GRIP1: variants seen among roughly 807,000 people sequenced by gnomAD.
The protein encoded by GRIP1 is glutamate receptor interacting protein 1.
A neutral mutation model predicts 129.9 loss-of-function variants in GRIP1; 45 were observed. The ratio of observed to expected loss-of-function variants is 0.35; its 90% CI spans 0.27 to 0.44. The LOEUF (loss-of-function observed/expected upper bound fraction) is 0.44, where lower values mean the gene tolerates loss of function less well. GRIP1 is among the 20% of genes least tolerant of loss of function. GRIP1 has a pLI of 1.00. For missense variants in GRIP1, 1,196 were observed against 1,396.8 expected, an observed-to-expected ratio of 0.86 and a Z score of 2.29; for synonymous variants, 530 against 520.8, an observed-to-expected ratio of 1.02 and a Z score of -0.24.
intron 1 of GRIP1, among the ~76,000 whole-genome samples, chr12:66,994,389 A>T (rs1216046262): frequency 6.6e-6 from 1 of 151,992 alleles, no homozygotes; most frequent in Non-Finnish European, 1.5e-5. Flanking sequence ...AAACCACATG[A>T]TAATGTCAAC....
chr12:66,681,640 T>C (rs1235240295), upstream of GRIP1, among the ~76,000 whole-genome samples: 1 of 152,164 alleles, frequency 6.6e-6, no homozygotes, highest in Non-Finnish European at 1.5e-5. Flanking sequence ...CAACATGCTC[T>C]GTGAGGGTCA....
At chr12:66,515,077 A>G (rs1400649562) in intron 7 of GRIP1, among the ~76,000 whole-genome samples, 1 of 152,158 alleles carries the variant, frequency 6.6e-6, no homozygotes, top group Non-Finnish European at 1.5e-5. Flanking sequence ...TAGTAGAATC[A>G]TAATTTAAAA....
intron 1 of GRIP1, among the ~76,000 whole-genome samples, chr12:67,028,847 T>C (rs2042977901): frequency 6.6e-6 from 1 of 152,190 alleles, no homozygotes. Flanking sequence ...TCAAGAGCAT[T>C]TGTGGAGAAC....
intron 23 of GRIP1, among the ~76,000 whole-genome samples, chr12:66,367,937 G>A (rs2055245731): frequency 6.6e-6 from 1 of 152,196 alleles, no homozygotes. Flanking sequence ...GTTCTCCAGT[G>A]TCAGGCATGA....
chr12:66,867,019 C>T (rs2040217762), intron 1 of GRIP1, among the ~76,000 whole-genome samples: 2 of 152,146 alleles, frequency 1.3e-5, no homozygotes, highest in African/African-American at 4.8e-5. Flanking sequence ...GACAGACTCT[C>T]ACTCTGTTGC....
chr12:66,772,340 A>G (rs2037845518), intron 1 of GRIP1, among the ~76,000 whole-genome samples: 1 of 152,278 alleles, frequency 6.6e-6, no homozygotes, highest in African/African-American at 2.4e-5. Flanking sequence ...GAATTGTCAT[A>G]TAATCAAGAA....
At chr12:67,018,012 C>G (rs1208456641) in intron 1 of GRIP1, among the ~76,000 whole-genome samples, 1 of 152,162 alleles carries the variant, frequency 6.6e-6, no homozygotes, top group African/African-American at 2.4e-5. Flanking sequence ...CAACAGATAC[C>G]TGAAATACTG....
intron 4 of GRIP1, among the ~76,000 whole-genome samples, chr12:66,532,176 A>C (rs2061480759): frequency 6.6e-6 from 1 of 152,214 alleles, no homozygotes; most frequent in Non-Finnish European, 1.5e-5. Flanking sequence ...TTTTAATACA[A>C]TTAATGAAAT....
At chr12:66,687,719 G>C (rs1436028918) in intron 1 of GRIP1, among the ~76,000 whole-genome samples, 1 of 152,110 alleles carries the variant, frequency 6.6e-6, no homozygotes, top group Non-Finnish European at 1.5e-5. Context: ...TTCCTCTTCA[G>C]GGAATAACAC....
At chr12:66,364,287 AAAAG>A (rs1405724131) in intron 23 of GRIP1, among the ~76,000 whole-genome samples, 3,102 of 125,602 alleles carry the variant, frequency 0.025, 195 homozygotes, top group Middle Eastern at 0.051. Flanking sequence ...AAAAAAAAAA[AAAAG>A]AAAGAAAGAA....
intron 14 of GRIP1, among the ~76,000 whole-genome samples, chr12:66,427,672 CT>C (rs1377951296): frequency 2.0e-5 from 3 of 152,126 alleles, no homozygotes; most frequent in African/African-American, 7.2e-5. Context: ...TTACATAGAC[CT>C]CAGAGATCTC....
chr12:67,069,185 C>T (rs2043691688), upstream of GRIP1: 9 of 867,510 alleles, frequency 1.0e-5, no homozygotes, highest in Non-Finnish European at 1.2e-5. Context: ...CGCGCCTCCT[C>T]GCTCGTCCTC....
intron 1 of GRIP1, among the ~76,000 whole-genome samples, chr12:67,024,595 C>T (rs2042914546): frequency 6.6e-6 from 1 of 152,084 alleles, no homozygotes; most frequent in Non-Finnish European, 1.5e-5. Context: ...AAAAAAAATC[C>T]TACCATCTTA....
At chr12:66,465,535 A>G in intron 7 of GRIP1, 113 bp from the exon 8 acceptor site, 2 of 892,482 alleles carry the variant, frequency 2.2e-6, no homozygotes, top group Non-Finnish European at 1.8e-6. Context: ...TTTATCACTG[A>G]AACTTAGATT....
intron 1 of GRIP1, among the ~76,000 whole-genome samples, chr12:66,833,257 C>G (rs1368013967): frequency 6.6e-6 from 1 of 152,132 alleles, no homozygotes; most frequent in East Asian, 1.9e-4. Flanking sequence ...CTACAGTGGC[C>G]CTTCTGGAAT....
intron 1 of GRIP1, among the ~76,000 whole-genome samples, chr12:66,793,276 G>C (rs1369921502): frequency 2.0e-5 from 3 of 152,140 alleles, no homozygotes; most frequent in African/African-American, 7.2e-5. Context: ...CATGACACAG[G>C]ACAATGTCAC....
At chr12:66,682,330 C>T (rs1167735559), upstream of GRIP1, among the ~76,000 whole-genome samples, 1 of 152,124 alleles carries the variant, frequency 6.6e-6, no homozygotes, top group Non-Finnish European at 1.5e-5. Context: ...TGGTGAAAGA[C>T]CATTACGTAT....
At chr12:66,351,764 G>GTCTCTTTGAGTCCTCTAAACTA (rs2054236838) in intron 24 of GRIP1, among the ~76,000 whole-genome samples, 1 of 152,156 alleles carries the variant, frequency 6.6e-6, no homozygotes, top group Non-Finnish European at 1.5e-5. Context: ...AGGCTTTGAA[G>GTCTCTTTGAGTCCTCTAAACTA]GGGAGTCCTC....
intron 1 of GRIP1, among the ~76,000 whole-genome samples, chr12:66,879,741 G>C (rs1053949169): frequency 6.6e-6 from 1 of 152,156 alleles, no homozygotes; most frequent in Admixed American, 6.6e-5. Flanking sequence ...TCAACTTGCA[G>C]TGCATATTTT....
Sources: allele counts gnomAD v4.1 joint callset (sites outside exome capture counted in the v4.1 genomes callset), GRCh38; gene constraint gnomAD v4.1.1; transcripts MANE v1.5; gene names NCBI Gene and HGNC (gene_info 2026-07-23, HGNC 2026-07-21).